The following OBP2B variants were observed in gnomAD, a reference collection of about 807,000 sequenced individuals.
OBP2B encodes odorant-binding protein 2b.
A neutral mutation model predicts 21.7 loss-of-function variants in OBP2B; 10 were observed. That is an observed-to-expected ratio of 0.46 (90% confidence interval 0.28 to 0.78). OBP2B has a LOEUF of 0.78. Ranked by LOEUF, OBP2B falls within the 30% of genes least tolerant of loss-of-function variation. OBP2B has a pLI of 0.11. For synonymous variants in OBP2B, 73 were observed against 91.5 expected (o/e 0.80, Z 1.16); for missense variants, 153 against 217.7 (o/e 0.70, Z 1.87).
chr9:133,206,561 G>A (rs1311566470), intron 4 of OBP2B, 145 bp from the exon 5 acceptor site: 8 of 1,032,614 alleles, frequency 7.7e-6, no homozygotes, highest in Middle Eastern at 3.1e-4. Context: ...GGTGGGGCTG[G>A]GGACAGAGGA....
upstream of OBP2B, among the ~76,000 whole-genome samples, chr9:133,211,277 G>A (rs375979398): frequency 2.0e-5 from 3 of 152,310 alleles, no homozygotes; most frequent in South Asian, 2.1e-4. Context: ...AGGGACCATC[G>A]CCTGTGCCAC....
At chr9:133,207,100 G>T in intron 4 of OBP2B, 126 bp downstream of exon 4, 1 of 695,018 alleles carries the variant, frequency 1.4e-6, no homozygotes, top group South Asian at 1.7e-5. Context: ...AGCGGTGCCC[G>T]GCACATGAAA....
rs551175195 is a variant in OBP2B at position 133,206,493 on chromosome 9, C to T, written c.389-77G>A. 6.8e-5 allele frequency: 107 copies of T among 1,577,168 alleles called. No individual in the cohort carries two copies. The South Asian group carries it at 9.9e-4, about 15-fold the overall frequency. On this transcript the variant is annotated intron_variant, in intron 4 of 6. Coordinates refer to ENST00000372034, the MANE Select transcript of OBP2B (RefSeq NM_014581.4). ...GCAGGGAGCAGATGCCGAAAGGAGA[C>T]GACCACGGCCCAGCACCAGGACAGG...
At chr9:133,210,849 G>A (rs541650556), upstream of OBP2B, among the ~76,000 whole-genome samples, 1 of 152,282 alleles carries the variant, frequency 6.6e-6, no homozygotes, top group Admixed American at 6.5e-5. Flanking sequence ...ACACCGTCAG[G>A]AGATGGTAGG....
chr9:133,206,589 AC>A, intron 4 of OBP2B, 173 bp from the exon 5 acceptor site: 1 of 777,082 alleles, frequency 1.3e-6, no homozygotes, highest in Non-Finnish European at 2.1e-6. Flanking sequence ...ACTGCCCAGC[AC>A]CAGGACAAGG....
chr9:133,210,089 C>T (rs1833883160), upstream of OBP2B, among the ~76,000 whole-genome samples: 1 of 152,194 alleles, frequency 6.6e-6, no homozygotes. Context: ...GCATGAGGCA[C>T]CAAGAGTCAC....
upstream of OBP2B, among the ~76,000 whole-genome samples, chr9:133,210,590 T>G (rs1425243678): frequency 2.0e-5 from 3 of 151,890 alleles, no homozygotes; most frequent in African/African-American, 7.2e-5. Flanking sequence ...GCACCTCGTA[T>G]TTCATTGGTT....
chr9:133,220,494 A>G, the OBP2B span, among the ~76,000 whole-genome samples: 1 of 151,852 alleles, frequency 6.6e-6, no homozygotes, highest in East Asian at 1.9e-4. Context: ...CCGCATCCTC[A>G]TCCCTGGCCC....
the OBP2B span, among the ~76,000 whole-genome samples, chr9:133,218,801 C>T: frequency 1.1e-4 from 16 of 152,060 alleles, no homozygotes; most frequent in African/African-American, 2.4e-4. Context: ...GCATCGCAGA[C>T]GACTAGAATG....
chr9:133,214,824 C>T, the OBP2B span, among the ~76,000 whole-genome samples: 4,300 of 152,290 alleles, frequency 0.028, 197 homozygotes, highest in African/African-American at 0.097. Flanking sequence ...CAGTTACAAA[C>T]GCTTTCTCCT....
the OBP2B span, among the ~76,000 whole-genome samples, chr9:133,221,682 C>A: frequency 1.3e-5 from 2 of 152,160 alleles, no homozygotes; most frequent in Non-Finnish European, 2.9e-5. Flanking sequence ...CCATCCTGGC[C>A]TTAGAATAAT....
At chr9:133,208,375 A>C in intron 2 of OBP2B, 94 bp downstream of exon 2, 1 of 1,600,656 alleles carries the variant, frequency 6.2e-7, no homozygotes. Context: ...GACTCTTCCC[A>C]ACACCCGAAA....
At chr9:133,212,965 C>A (rs1221800040), upstream of OBP2B, among the ~76,000 whole-genome samples, 5 of 150,998 alleles carry the variant, frequency 3.3e-5, no homozygotes, top group Non-Finnish European at 7.4e-5. Flanking sequence ...GTGGCTTATG[C>A]CTATAATCTC....
At chr9:133,215,440 C>G in the OBP2B span, among the ~76,000 whole-genome samples, 1 of 151,974 alleles carries the variant, frequency 6.6e-6, no homozygotes, top group Non-Finnish European at 1.5e-5. Flanking sequence ...TATGGAAAGG[C>G]AGAGGAACTA....
intron 1 of OBP2B, among the ~76,000 whole-genome samples, chr9:133,208,814 C>A (rs1323227081): frequency 6.6e-6 from 1 of 151,998 alleles, no homozygotes; most frequent in Non-Finnish European, 1.5e-5. Flanking sequence ...GGAAGGAGGG[C>A]ATGTCTGCAC....
At chr9:133,209,610 G>A (rs1588619302), upstream of OBP2B, among the ~76,000 whole-genome samples, 1 of 152,264 alleles carries the variant, frequency 6.6e-6, no homozygotes, top group Non-Finnish European at 1.5e-5. The surrounding 1 kb of genome is among the most constrained non-coding windows in gnomAD (Gnocchi z 6.0). Context: ...GGGACCCTGG[G>A]CAAGTCCTCT....
At chr9:133,214,837 A>C in the OBP2B span, among the ~76,000 whole-genome samples, 1 of 152,270 alleles carries the variant, frequency 6.6e-6, no homozygotes, top group Non-Finnish European at 1.5e-5. Context: ...TTTCTCCTTA[A>C]CATCAGGGAC....
At chr9:133,218,109 C>T in the OBP2B span, among the ~76,000 whole-genome samples, 1 of 152,194 alleles carries the variant, frequency 6.6e-6, no homozygotes, top group Non-Finnish European at 1.5e-5. Flanking sequence ...GGAACAGCCC[C>T]GCCAAGGTGG....
In OBP2B at chr9:133,205,953, A is replaced by C. The variant is rs782081166; in HGVS notation, c.491-13T>G. ...GGAACGCAGCTTCCTGCAGAGACCA[A>C]GAAAAACCCAGGGATTAGAAGGCGC... On this transcript the variant is annotated splice_polypyrimidine_tract_variant and intron_variant, in intron 5 of 6. Transcript: ENST00000372034. 4.3e-6 allele frequency: 7 copies of C among 1,613,780 alleles called. 1 individual carries two copies. The highest frequency in any genetic ancestry group is 1.6e-4 in the Middle Eastern group (1 of 6,078).
Sources: gnomAD v4.1 joint callset for allele counts (sites outside exome capture counted in the v4.1 genomes callset) on GRCh38, gnomAD v4.1.1 for gene constraint, Gnocchi (gnomAD v3.1) non-coding constraint, MANE v1.5 for transcripts, NCBI Gene and HGNC (gene_info 2026-07-23, HGNC 2026-07-21) for gene names.